SNX29: variants seen among roughly 807,000 people sequenced by gnomAD.
SNX29 encodes sorting nexin-29.
In SNX29, 78 loss-of-function variants were observed where a neutral mutation model predicts 102.1. That is an observed-to-expected ratio of 0.76 (90% CI 0.64 to 0.92). The LOEUF is 0.92. Among genes scored for constraint, SNX29 ranks in the 40% least tolerant of loss-of-function variants. The pLI is 0.00. For missense variants in SNX29, 1,280 were observed against 1,061.7 expected (o/e 1.21, Z -2.86); for synonymous variants, 580 against 414.5 (o/e 1.40, Z -4.85).
chr16:12,437,245 CT>C (rs1450639280), intron 18 of SNX29, among the ~76,000 whole-genome samples: 1 of 152,226 alleles, frequency 6.6e-6, no homozygotes, highest in East Asian at 1.9e-4. Context: ...TCTCACTTTG[CT>C]TTTCTTCCTT....
chr16:12,362,305 A>C (rs1436355448), intron 16 of SNX29, among the ~76,000 whole-genome samples: 1 of 152,168 alleles, frequency 6.6e-6, no homozygotes, highest in Non-Finnish European at 1.5e-5. Flanking sequence ...GCTGGCTGGC[A>C]GTCCACAGGG....
Position 12,398,435 on chromosome 16 carries a change from C to T in SNX29, c.1900-11C>T, listed in dbSNP as rs768766765. ...ATTTTTTCTCCCCTCTCCCCCTTCT[C>T]CTGATGGTAGGTGCCTGGAGATTTG... is the stretch of plus-strand genomic sequence containing the variant. On this transcript the variant is annotated splice_polypyrimidine_tract_variant and intron_variant, in intron 16 of 20. Transcript: ENST00000566228. The T allele has an allele frequency of 3.7e-6, 6 of 1,613,904 alleles. No individual in the cohort carries two copies. In the East Asian group the frequency reaches 1.1e-4, roughly 30 times the overall value.
chr16:12,379,208 G>T (rs2082988089), intron 16 of SNX29, among the ~76,000 whole-genome samples: 1 of 152,184 alleles, frequency 6.6e-6, no homozygotes, highest in Non-Finnish European at 1.5e-5. Flanking sequence ...GTAGTGGTGA[G>T]TCCCTGCAGC....
intron 20 of SNX29, among the ~76,000 whole-genome samples, chr16:12,542,531 C>A (rs748343879): frequency 1.3e-5 from 2 of 152,312 alleles, no homozygotes; most frequent in Admixed American, 1.3e-4. Flanking sequence ...AGGGTTTCAC[C>A]ACGTTGGCCA....
chr16:12,342,370 G>T (rs934998324), intron 15 of SNX29, among the ~76,000 whole-genome samples: 6 of 152,204 alleles, frequency 3.9e-5, no homozygotes, highest in African/African-American at 1.4e-4. Context: ...TCTCCATGTT[G>T]CTGATGAAAC....
chr16:12,458,022 G>C (rs1200573254), intron 18 of SNX29, among the ~76,000 whole-genome samples: 2 of 152,150 alleles, frequency 1.3e-5, no homozygotes, highest in Non-Finnish European at 2.9e-5. Context: ...AATGATTACT[G>C]CAAAAATTCC....
At chr16:12,288,031 AT>A (rs564871179) in intron 15 of SNX29, among the ~76,000 whole-genome samples, 1 of 152,142 alleles carries the variant, frequency 6.6e-6, no homozygotes, top group East Asian at 1.9e-4. Context: ...ACAAAAAAAA[AT>A]TTTTTTAACT....
At chr16:12,072,003 T>C (rs370527277) in intron 10 of SNX29, among the ~76,000 whole-genome samples, 1 of 152,218 alleles carries the variant, frequency 6.6e-6, no homozygotes, top group African/African-American at 2.4e-5. Context: ...CTTGTGATTT[T>C]TGTACATTGA....
At chr16:12,027,188 C>G (rs1830865804) in intron 3 of SNX29, 132 bp from the exon 4 acceptor site, 4 of 1,060,654 alleles carry the variant, frequency 3.8e-6, no homozygotes, top group East Asian at 2.6e-5. Context: ...GCCTGCACAT[C>G]CAGGTGTCTC....
At chr16:12,285,882 G>T (rs2079578504) in intron 15 of SNX29, among the ~76,000 whole-genome samples, 1 of 152,166 alleles carries the variant, frequency 6.6e-6, no homozygotes. Context: ...TTCTGATGGA[G>T]TTTCACTCTG....
chr16:12,045,209 C>T (rs1366585804), intron 5 of SNX29, among the ~76,000 whole-genome samples: 1 of 152,172 alleles, frequency 6.6e-6, no homozygotes. Flanking sequence ...GGAAATGCGC[C>T]TCTTCTTTCT....
chr16:12,063,377 T>TTTTTTTTTTTTTTTTTTTTTG (rs2050867309), intron 9 of SNX29, among the ~76,000 whole-genome samples: 1 of 115,018 alleles, frequency 8.7e-6, no homozygotes, highest in African/African-American at 3.3e-5. Flanking sequence ...TTTTTTTTTT[T>TTTTTTTTTTTTTTTTTTTTTG]TTTTTTTTTT....
chr16:12,281,211 G>C (rs974796273), intron 15 of SNX29, among the ~76,000 whole-genome samples: 1 of 152,180 alleles, frequency 6.6e-6, no homozygotes, highest in African/African-American at 2.4e-5. Context: ...ATTGTGCCCA[G>C]TCCATCTCAT....
intron 19 of SNX29, among the ~76,000 whole-genome samples, chr16:12,509,426 A>T (rs1218143882): frequency 1.3e-5 from 2 of 152,178 alleles, no homozygotes. Context: ...GTCTGAGAGC[A>T]CTGGGAATTC....
intron 2 of SNX29, chr16:12,000,272 C>T (rs1255552035): frequency 6.5e-6 from 1 of 152,814 alleles, no homozygotes; most frequent in Non-Finnish European, 1.5e-5. Context: ...CTCTGCTAAG[C>T]ACTTTATATT....
chr16:12,055,402 T>C (rs1203193945), intron 8 of SNX29, among the ~76,000 whole-genome samples: 2 of 152,088 alleles, frequency 1.3e-5, no homozygotes, highest in Non-Finnish European at 2.9e-5. Flanking sequence ...CGCTAACTTT[T>C]GTGATTTTAG....
rs1188695563 is a variant in SNX29 at position 12,278,008 on chromosome 16, C to A, written c.1754C>A (p.Ala585Glu). The A allele has an allele frequency of 1.9e-6, 3 of 1,604,808 alleles. No individual in the cohort carries two copies. In the Admixed American group the frequency reaches 5.1e-5, roughly 27 times the overall value. ...QKPGEIAEEL[A>E]SSYERKLIEV... is the part of the protein sequence containing the mutation. ...CCGGGAGAAATTGCTGAAGAACTCG[C>A]AAGCTCCTACGAAAGAAAGCTCATC... Residue 585 changes from alanine to glutamate, a missense_variant, in exon 15 of 21, where the codon GCA becomes GAA. Transcript: ENST00000566228.
chr16:12,353,428 C>T (rs955564631), intron 15 of SNX29, among the ~76,000 whole-genome samples: 3 of 140,246 alleles, frequency 2.1e-5, no homozygotes, highest in African/African-American at 9.9e-5. Flanking sequence ...AGTGCGGCAT[C>T]TCTTGCCATC....
intron 14 of SNX29, among the ~76,000 whole-genome samples, chr16:12,238,997 C>T (rs945237708): frequency 2.0e-5 from 3 of 152,218 alleles, no homozygotes; most frequent in Admixed American, 2.0e-4. Flanking sequence ...CCCCCGCTAA[C>T]TGTCCTTCCT....
Sources: gnomAD v4.1 joint callset for allele counts (sites outside exome capture counted in the v4.1 genomes callset) on GRCh38, gnomAD v4.1.1 for gene constraint, MANE v1.5 for transcripts, NCBI Gene and HGNC (gene_info 2026-07-23, HGNC 2026-07-21) for gene names.